The following UNC5D variants were observed in gnomAD, a reference collection of about 807,000 sequenced individuals.
UNC5D encodes unc-5 netrin receptor D.
Under a neutral mutation model 105.4 loss-of-function variants are expected in UNC5D, and 39 were observed. That is an observed-to-expected ratio of 0.37 (90% CI 0.29 to 0.48). The LOEUF (loss-of-function observed/expected upper bound fraction) is 0.48. Among genes scored for constraint, UNC5D ranks in the 20% least tolerant of loss-of-function variants. The probability of loss-of-function intolerance (pLI) is 0.98; values close to 1 mark genes in which losing one functional copy is unlikely to be tolerated. For missense variants in UNC5D, 991 were observed against 1,202.4 expected (o/e 0.82, Z 2.60); for synonymous variants, 452 against 450.4 (o/e 1.00, Z -0.04).
intron 1 of UNC5D, among the ~76,000 whole-genome samples, chr8:35,501,284 T>C (rs1360515382): frequency 6.6e-6 from 1 of 152,228 alleles, no homozygotes; most frequent in East Asian, 1.9e-4. Flanking sequence ...CTGACCAAGG[T>C]TGAAAGCAAA....
intron 2 of UNC5D, among the ~76,000 whole-genome samples, chr8:35,562,658 CT>C (rs1817042249): frequency 6.6e-6 from 1 of 151,782 alleles, no homozygotes. Flanking sequence ...ATTTTTAAAT[CT>C]TTTGTTCTGT....
intron 1 of UNC5D, among the ~76,000 whole-genome samples, chr8:35,365,522 C>T (rs1802062777): frequency 6.7e-6 from 1 of 148,596 alleles, no homozygotes; most frequent in South Asian, 2.1e-4. Flanking sequence ...AGTTCTTTCC[C>T]TACCCCTGTT....
rs143415255 is a variant in UNC5D, at chr8:35,467,020, T to C, written c.104-82272T>C. Among the ~76,000 whole-genome samples the C allele has an allele frequency of 2.0e-3, 302 of 152,282 alleles. 2 individuals carry two copies. Among genetic ancestry groups the C allele is most frequent in the Middle Eastern group, 6.8e-3 (2 of 294 alleles). On this transcript the variant is annotated intron_variant, in intron 1 of 16. Coordinates refer to ENST00000404895, the MANE Select transcript of UNC5D (RefSeq NM_080872.4). ...AATGATTAAAGTCTAGGATGCTGTC[T>C]CCTAGAGACTCTTTGACAAGGGGTG...
chr8:35,315,054 G>T (rs556095438), intron 1 of UNC5D, among the ~76,000 whole-genome samples: 31 of 152,222 alleles, frequency 2.0e-4, no homozygotes, highest in African/African-American at 7.5e-4. Context: ...CACATACTAG[G>T]TTCTAGGATT....
rs781132663 is a variant in UNC5D, at chr8:35,790,428, T to A, written c.2727T>A (p.His909Gln). Reference sequence around the variant, plus strand: ...TTTTGAACCTGTGGGAAGCTCGTCATCAGCATGATGGTGATCTTGACTCCC... The same window carrying A: ...TTTTGAACCTGTGGGAAGCTCGTCAACAGCATGATGGTGATCTTGACTCCC... ...AVILNLWEAR[H>Q]QHDGDLDSLA... is the part of the protein sequence containing the mutation. The change falls in exon 17 of 17, where the codon CAT (histidine) becomes CAA (glutamine). Residue 909 changes from histidine to glutamine, a missense_variant. By Grantham distance (24) the His-to-Gln change is conservative. Transcript: ENST00000404895. 2 of 1,613,988 alleles carry A rather than the reference T, an allele frequency of 1.2e-6. No individual in the cohort carries two copies. The highest frequency in any genetic ancestry group is 1.7e-5 in the Admixed American group (1 of 59,992).
intron 1 of UNC5D, among the ~76,000 whole-genome samples, chr8:35,413,317 CTT>C (rs1368766682): frequency 7.3e-5 from 10 of 137,050 alleles, no homozygotes; most frequent in African/African-American, 2.8e-4. Context: ...TGTTTTCTCT[CTT>C]CTTCACTGTT....
intron 3 of UNC5D, among the ~76,000 whole-genome samples, chr8:35,578,239 AAAAAG>A (rs1188418850): frequency 3.2e-4 from 47 of 146,604 alleles, no homozygotes; most frequent in African/African-American, 1.2e-3. Context: ...AAAAAAAAAA[AAAAAG>A]AAAGAAAAAA....
At chr8:35,271,272 CAT>C (rs1201611364) in intron 1 of UNC5D, among the ~76,000 whole-genome samples, 1 of 140,450 alleles carries the variant, frequency 7.1e-6, no homozygotes, top group East Asian at 2.2e-4. Context: ...CATATGTATA[CAT>C]ATATGTGTGT....
intron 1 of UNC5D, among the ~76,000 whole-genome samples, chr8:35,343,559 C>A (rs1191683620): frequency 1.3e-5 from 2 of 151,996 alleles, no homozygotes; most frequent in African/African-American, 4.8e-5. Context: ...TAAAATAAGT[C>A]ATCCATTTAT....
intron 1 of UNC5D, among the ~76,000 whole-genome samples, chr8:35,320,304 A>G (rs181979644): frequency 6.6e-6 from 1 of 152,112 alleles, no homozygotes; most frequent in Non-Finnish European, 1.5e-5. Flanking sequence ...ACTCGGAATC[A>G]GTAGAAGGGA....
intron 1 of UNC5D, among the ~76,000 whole-genome samples, chr8:35,377,986 C>T (rs1053873370): frequency 6.6e-6 from 1 of 152,054 alleles, no homozygotes; most frequent in Non-Finnish European, 1.5e-5. Flanking sequence ...TTTGTGCTGT[C>T]CTCCCCCTAA....
At chr8:35,537,936 G>A (rs1814958830) in intron 1 of UNC5D, among the ~76,000 whole-genome samples, 1 of 151,772 alleles carries the variant, frequency 6.6e-6, no homozygotes, top group Non-Finnish European at 1.5e-5. Flanking sequence ...TTTAACCATT[G>A]GTAATATAAA....
chr8:35,492,307 T>C (rs1811265743), intron 1 of UNC5D, among the ~76,000 whole-genome samples: 2 of 152,146 alleles, frequency 1.3e-5, no homozygotes, highest in Non-Finnish European at 2.9e-5. Context: ...TTATTTTAAC[T>C]GTGACATGAT....
chr8:35,378,257 T>C (rs1671195846), intron 1 of UNC5D, among the ~76,000 whole-genome samples: 1 of 152,194 alleles, frequency 6.6e-6, no homozygotes, highest in Non-Finnish European at 1.5e-5. Context: ...ATAAATGTTA[T>C]CTTCTGCTAA....
At chr8:35,535,825 T>C (rs2130589853) in intron 1 of UNC5D, among the ~76,000 whole-genome samples, 1 of 152,304 alleles carries the variant, frequency 6.6e-6, no homozygotes, top group African/African-American at 2.4e-5. Flanking sequence ...GCTAACAATA[T>C]CCTATTATAG....
At chr8:35,614,789 G>C (rs962594166) in intron 4 of UNC5D, among the ~76,000 whole-genome samples, 1 of 152,076 alleles carries the variant, frequency 6.6e-6, no homozygotes, top group Admixed American at 6.5e-5. Context: ...CACGTCTTTA[G>C]CTGGGAAGCT....
intron 1 of UNC5D, among the ~76,000 whole-genome samples, chr8:35,548,843 C>T (rs1458338012): frequency 6.6e-6 from 1 of 152,170 alleles, no homozygotes; most frequent in Non-Finnish European, 1.5e-5. Flanking sequence ...TATTTTATGG[C>T]TGAGTATCCT....
At chr8:35,639,095 A>G (rs1414487237) in intron 4 of UNC5D, among the ~76,000 whole-genome samples, 1 of 152,192 alleles carries the variant, frequency 6.6e-6, no homozygotes, top group East Asian at 1.9e-4. Context: ...GGGAAAATGA[A>G]TATTGTTCGG....
chr8:35,789,191 G>A (rs1586650373), intron 16 of UNC5D, among the ~76,000 whole-genome samples: 1 of 71,234 alleles, frequency 1.4e-5, no homozygotes, highest in African/African-American at 4.1e-5. Context: ...ATATATATGA[G>A]ATAGGGATAT....
Sources: allele counts gnomAD v4.1 joint callset (sites outside exome capture counted in the v4.1 genomes callset), GRCh38; gene constraint gnomAD v4.1.1; transcripts MANE v1.5; gene names NCBI Gene and HGNC (gene_info 2026-07-23, HGNC 2026-07-21).